The following POLR3H variants were observed in gnomAD, a reference collection of about 807,000 sequenced individuals.
POLR3H encodes the protein RNA polymerase III subunit H.
In POLR3H, 17 loss-of-function variants were observed where a neutral mutation model predicts 25.5. That is an observed-to-expected ratio of 0.67 (90% CI 0.46 to 1.00). The LOEUF is 1.00. Ranked by LOEUF, POLR3H falls within the 50% of genes least tolerant of loss-of-function variation. The pLI, the probability that POLR3H is intolerant of heterozygous loss-of-function variation, is 0.00. For synonymous variants in POLR3H, 129 were observed against 103.0 expected, an observed-to-expected ratio of 1.25 and a Z score of -1.53; for missense variants, 274 against 265.0, an observed-to-expected ratio of 1.03 and a Z score of -0.24.
chr22:41,528,415 C>G lies in POLR3H; in HGVS notation c.*868G>C. ...CAGGCAGTGCCCTGTCTCCCTGACC[C>G]CCCTGCGGGGCCAAGGGCACACAGT... On this transcript the variant is annotated 3_prime_UTR_variant, in exon 6 of 6. Transcript: ENST00000355209. The G allele has an allele frequency of 6.3e-7, 1 of 1,583,982 alleles. No homozygotes were observed.
intron 1 of POLR3H, among the ~76,000 whole-genome samples, chr22:41,542,090 CT>C (rs144284289): frequency 1.2e-4 from 17 of 145,812 alleles, no homozygotes; most frequent in Admixed American, 6.8e-5. Context: ...ACCCCTTCTT[CT>C]TTTTTTTTTG....
chr22:41,529,788 C>G, intron 5 of POLR3H: 1 of 433,300 alleles, frequency 2.3e-6, no homozygotes, highest in Non-Finnish European at 4.5e-6. Flanking sequence ...GACAGTCTCG[C>G]ACTGTCACCC....
rs541836094 is a variant in POLR3H, at chr22:41,527,678, T to C, written c.*1605A>G. The C allele has an allele frequency of 5.0e-6, 4 of 797,294 alleles. No individual in the cohort carries two copies. Among genetic ancestry groups the C allele is most frequent in the Admixed American group, 2.9e-5 (1 of 34,338 alleles). 49.4% of individuals were successfully genotyped at this position (797,294 alleles called of 1,614,324 possible). ...ACATGTGCCAGGGGGTTCTTTCTGA[T>C]CATGAATGTGCAGCAGGAAGGCCTC... is the stretch of plus-strand genomic sequence containing the variant. On this transcript the variant is annotated 3_prime_UTR_variant, in exon 6 of 6. Coordinates refer to ENST00000355209, the MANE Select transcript of POLR3H (RefSeq NM_001018050.4).
chr22:41,535,367 T>C (rs1448051130), intron 2 of POLR3H, among the ~76,000 whole-genome samples: 3 of 152,204 alleles, frequency 2.0e-5, no homozygotes, highest in Non-Finnish European at 4.4e-5. Context: ...ATGTGAATTA[T>C]ATCTCAGTGA....
At position 41,527,805 on chromosome 22, in the gene POLR3H, G is replaced by A; in HGVS notation, c.*1478C>T. 6.3e-7 allele frequency: 1 copy of A among 1,585,438 alleles called. No individual in the cohort carries two copies. The highest frequency in any genetic ancestry group is 8.6e-7 in the Non-Finnish European group (1 of 1,163,652). ...GCCCGGGCATTGTCCCAGGCAGCAG[G>A]ATTAGGGGCATCTCCCAGAGCCCCA... On this transcript the variant is annotated 3_prime_UTR_variant, in exon 6 of 6. Coordinates refer to ENST00000355209, the MANE Select transcript of POLR3H (RefSeq NM_001018050.4).
At chr22:41,543,918 G>C (rs2066973775) in intron 1 of POLR3H, 73 bp downstream of exon 1, 1 of 1,073,640 alleles carries the variant, frequency 9.3e-7, no homozygotes, top group East Asian at 2.4e-5. Flanking sequence ...CATGACCGAG[G>C]CCGGGCCTGC....
intron 2 of POLR3H, chr22:41,533,767 A>G (rs1345682831): frequency 3.4e-6 from 4 of 1,190,746 alleles, no homozygotes; most frequent in Non-Finnish European, 4.5e-6. Context: ...AGAGCAGATG[A>G]GGGCGGCCAA....
intron 3 of POLR3H, 117 bp downstream of exon 3, chr22:41,532,542 C>A: frequency 6.4e-7 from 1 of 1,571,178 alleles, no homozygotes. Flanking sequence ...TTCTCTGACA[C>A]CACGGGGAAG....
intron 3 of POLR3H, 164 bp downstream of exon 3, chr22:41,532,495 G>A: frequency 7.9e-7 from 1 of 1,258,764 alleles, no homozygotes; most frequent in Non-Finnish European, 1.1e-6. Flanking sequence ...GCTGATGGAG[G>A]TCCTCACACA....
rs145880629 is a variant in POLR3H, at chr22:41,544,436, A to ACGCACCGCGCACCACGCACCGCGCACCG, written c.-336_-335insCGGTGCGCGGTGCGTGGTGCGCGGTGCG. 1.1e-4 allele frequency: 20 copies of ACGCACCGCGCACCACGCACCGCGCACCG among 187,218 alleles called. No homozygotes were observed. The South Asian group carries it at 1.7e-3, about 16-fold the overall frequency. 11.6% of individuals were successfully genotyped at this position (187,218 alleles called of 1,614,324 possible). On this transcript the variant is annotated 5_prime_UTR_variant, in exon 1 of 6. Coordinates refer to ENST00000355209, the MANE Select transcript of POLR3H (RefSeq NM_001018050.4). ...CCGCTCGTATCACGCACCACGCACC[A>ACGCACCGCGCACCACGCACCGCGCACCG]CGCACCGCGCACAGCCGCTCGCGCT...
chr22:41,537,519 GTT>G (rs1387833733), intron 2 of POLR3H, among the ~76,000 whole-genome samples: 2 of 152,182 alleles, frequency 1.3e-5, no homozygotes, highest in African/African-American at 4.8e-5. Flanking sequence ...ATGGCAATTG[GTT>G]CCCACCACAA....
chr22:41,537,601 G>A (rs2066869020), intron 2 of POLR3H, among the ~76,000 whole-genome samples: 1 of 152,194 alleles, frequency 6.6e-6, no homozygotes, highest in Non-Finnish European at 1.5e-5. Context: ...ATTGTACAGA[G>A]GAGGAAACCA....
In POLR3H at chr22:41,526,458, G is replaced by C. The variant is rs1219207008; in HGVS notation, c.*2825C>G. The C allele has an allele frequency of 6.2e-7, 1 of 1,609,220 alleles. No homozygotes were observed. Among genetic ancestry groups the C allele is most frequent in the South Asian group, 1.1e-5 (1 of 90,774 alleles). ...GACACTGCCCGCTACTACAAGGTGG[G>C]TCAGAGTTGATAGGGGCAATGCCAG... On this transcript the variant is annotated 3_prime_UTR_variant, in exon 6 of 6. Coordinates refer to ENST00000355209, the MANE Select transcript of POLR3H (RefSeq NM_001018050.4).
At chr22:41,541,679 C>A (rs901957814) in intron 1 of POLR3H, among the ~76,000 whole-genome samples, 2 of 152,240 alleles carry the variant, frequency 1.3e-5, no homozygotes, top group African/African-American at 4.8e-5. Flanking sequence ...CTTGTCCCAA[C>A]AGGACCTCTA....
At chr22:41,529,470 G>C (rs1194143877) in intron 5 of POLR3H, 134 bp from the exon 6 acceptor site, 1 of 752,498 alleles carries the variant, frequency 1.3e-6, no homozygotes, top group Non-Finnish European at 2.3e-6. Flanking sequence ...AGAGGCTCTG[G>C]AGAGATGTGG....
chr22:41,541,020 G>C (rs1410316892), intron 1 of POLR3H, among the ~76,000 whole-genome samples: 1 of 152,120 alleles, frequency 6.6e-6, no homozygotes, highest in Non-Finnish European at 1.5e-5. Context: ...CAGGTTCCAA[G>C]GCCAGCTCCA....
intron 1 of POLR3H, 101 bp from the exon 2 acceptor site, chr22:41,540,896 C>A: frequency 2.4e-6 from 2 of 820,800 alleles, no homozygotes; most frequent in Non-Finnish European, 4.0e-6. Context: ...ACAAGCAAGC[C>A]ATGATTATCT....
intron 2 of POLR3H, chr22:41,533,546 T>C (rs1601951336): frequency 1.6e-6 from 2 of 1,255,870 alleles, no homozygotes; most frequent in East Asian, 1.1e-4. Context: ...GGGTCGAATC[T>C]TGCCTTCCTC....
Position 41,526,215 on chromosome 22 carries a change from C to G in POLR3H, c.*3068G>C. On this transcript the variant is annotated 3_prime_UTR_variant, in exon 6 of 6. Transcript: ENST00000355209. ...CCTCTGGAGGGCTTGTCATCCACCCCTCCAGGGCCATGCCCTGACCTCTGT... is the reference window on the plus strand; with the variant it reads ...CCTCTGGAGGGCTTGTCATCCACCCGTCCAGGGCCATGCCCTGACCTCTGT... 1 of 1,566,780 alleles carries G rather than the reference C, an allele frequency of 6.4e-7. No individual in the cohort carries two copies. The highest frequency in any genetic ancestry group is 8.7e-7 in the Non-Finnish European group (1 of 1,147,284).
Sources: gnomAD v4.1 joint callset for allele counts (sites outside exome capture counted in the v4.1 genomes callset) on GRCh38, gnomAD v4.1.1 for gene constraint, MANE v1.5 for transcripts, NCBI Gene and HGNC (gene_info 2026-07-23, HGNC 2026-07-21) for gene names.